EYS: variants seen among roughly 807,000 people sequenced by gnomAD.
The protein encoded by EYS is protein eyes shut homolog.
A neutral mutation model predicts 282.1 loss-of-function variants in EYS; 250 were observed. That is an observed-to-expected ratio of 0.89 (90% CI 0.80 to 0.98). The LOEUF (loss-of-function observed/expected upper bound fraction) is 0.98, where lower values mean the gene tolerates loss of function less well. Among genes scored for constraint, EYS ranks in the 50% least tolerant of loss-of-function variants. The pLI, the probability that EYS is intolerant of heterozygous loss-of-function variation, is 0.00. For missense variants in EYS, 4,016 were observed against 3,709.0 expected (o/e 1.08, Z -2.15); for synonymous variants, 1,355 against 1,282.9 (o/e 1.06, Z -1.20).
chr6:64,529,913 T>C (rs1764273274), intron 26 of EYS, among the ~76,000 whole-genome samples: 1 of 151,984 alleles, frequency 6.6e-6, no homozygotes, highest in South Asian at 2.1e-4. Context: ...CAGAATCCAA[T>C]GTTAGTGAAG....
rs71551553 is a variant in EYS, at chr6:64,000,168, CTTTTTTTTTTTT to C, written c.6726-997_6726-986del. 2.5e-3 allele frequency among the ~76,000 whole-genome samples: 105 copies of C among 42,734 alleles called. 4 individuals are homozygous for C. Among genetic ancestry groups the C allele is most frequent in the Admixed American group, 7.4e-3 (23 of 3,088 alleles). 28.0% of individuals were successfully genotyped at this position (42,734 alleles called of 152,430 possible). On this transcript the variant is annotated intron_variant, in intron 33 of 42. Coordinates refer to ENST00000503581, the MANE Select transcript of EYS (RefSeq NM_001142800.2). ...CTGAGGAGTTTCCCAAGACATGGGACTTTTTTTTTTTTTTTTTTTTTTTTTTTTTTTTTTTTT... is the reference window on the plus strand; with the variant it reads ...CTGAGGAGTTTCCCAAGACATGGGACTTTTTTTTTTTTTTTTTTTTTTTTT...
chr6:64,437,659 G>A (rs1774798155), intron 27 of EYS, among the ~76,000 whole-genome samples: 1 of 151,458 alleles, frequency 6.6e-6, no homozygotes, highest in Admixed American at 6.6e-5. Context: ...TATTATAAAT[G>A]GGCAAATAAG....
At chr6:64,949,285 G>T (rs1053711373) in intron 14 of EYS, among the ~76,000 whole-genome samples, 11 of 151,868 alleles carry the variant, frequency 7.2e-5, no homozygotes, top group African/African-American at 2.7e-4. Context: ...CTGAAATCAA[G>T]GTATTGACTG....
intron 26 of EYS, among the ~76,000 whole-genome samples, chr6:64,500,095 A>G (rs1776992254): frequency 6.6e-6 from 1 of 152,150 alleles, no homozygotes; most frequent in Admixed American, 6.5e-5. Flanking sequence ...ATGATAAAAA[A>G]TAAGTACATA....
chr6:64,995,293 C>T (rs1771213023), intron 14 of EYS, among the ~76,000 whole-genome samples: 1 of 152,086 alleles, frequency 6.6e-6, no homozygotes, highest in African/African-American at 2.4e-5. Flanking sequence ...TCATGCAACT[C>T]CAATGGGAGA....
At chr6:65,518,216 T>G (rs1767214707) in intron 2 of EYS, among the ~76,000 whole-genome samples, 1 of 152,084 alleles carries the variant, frequency 6.6e-6, no homozygotes, top group African/African-American at 2.4e-5. Flanking sequence ...TTAGTTACTG[T>G]CCTAGAGTAG....
chr6:64,363,755 C>T (rs970368720), intron 29 of EYS, among the ~76,000 whole-genome samples: 1 of 151,886 alleles, frequency 6.6e-6, no homozygotes, highest in African/African-American at 2.4e-5. Context: ...CTAACTATAA[C>T]TTATTAAACA....
intron 5 of EYS, among the ~76,000 whole-genome samples, chr6:65,405,809 T>C (rs981697085): frequency 3.9e-5 from 6 of 152,114 alleles, no homozygotes; most frequent in African/African-American, 1.4e-4. Context: ...TCACAATATA[T>C]ACATTTTGTT....
At chr6:65,057,439 A>G (rs1773449864) in intron 13 of EYS, among the ~76,000 whole-genome samples, 175 bp downstream of exon 13, 1 of 152,162 alleles carries the variant, frequency 6.6e-6, no homozygotes, top group East Asian at 1.9e-4. Flanking sequence ...AAACAAAACT[A>G]ATTTCACTCT....
Position 65,495,301 on chromosome 6 carries a change from G to A in EYS, c.110C>T (p.Ser37Leu). 2 of 1,614,100 alleles carry A rather than the reference G, an allele frequency of 1.2e-6. No individual in the cohort carries two copies. Among genetic ancestry groups the A allele is most frequent in the Non-Finnish European group, 1.7e-6 (2 of 1,180,034 alleles). Residue 37 changes from serine (S) to leucine (L), a missense_variant, in exon 4 of 43, where the codon TCA (serine) becomes TTA (leucine). By Grantham distance (145) the Ser-to-Leu change is moderately radical. Coordinates refer to ENST00000503581, the MANE Select transcript of EYS (RefSeq NM_001142800.2). Reference sequence around the variant, plus strand: ...TAGTGTCCAATTTACCACATATGATGAGGGTTGTGGATGCCATTCTTCCAC... The same window carrying A: ...TAGTGTCCAATTTACCACATATGATAAGGGTTGTGGATGCCATTCTTCCAC... ...QLVEEWHPQPSSYVVNWTLTE... is the reference protein window; with the variant it reads ...QLVEEWHPQPLSYVVNWTLTE...
At chr6:64,511,590 C>G (rs61646309) in intron 26 of EYS, among the ~76,000 whole-genome samples, 3,906 of 151,962 alleles carry the variant, frequency 0.026, 172 homozygotes, top group African/African-American at 0.089. Flanking sequence ...GAAGGATGTA[C>G]GCAACTCTGC....
intron 24 of EYS, among the ~76,000 whole-genome samples, chr6:64,603,222 C>T (rs1766818179): frequency 6.6e-6 from 1 of 151,930 alleles, no homozygotes; most frequent in African/African-American, 2.4e-5. Flanking sequence ...CCCCATTTAG[C>T]TTTTCTTTTT....
At chr6:64,385,696 C>T (rs1168418518) in intron 29 of EYS, among the ~76,000 whole-genome samples, 2 of 152,204 alleles carry the variant, frequency 1.3e-5, no homozygotes, top group Non-Finnish European at 2.9e-5. Context: ...ATAACAACCT[C>T]TCTGACTTAT....
intron 12 of EYS, among the ~76,000 whole-genome samples, chr6:65,236,113 A>G (rs1582049223): frequency 1.3e-5 from 2 of 152,018 alleles, no homozygotes; most frequent in East Asian, 1.9e-4. Flanking sequence ...GTTAGTTTGG[A>G]TTATATCAGC....
At chr6:65,064,402 A>T (rs2150161635) in intron 12 of EYS, among the ~76,000 whole-genome samples, 1 of 145,318 alleles carries the variant, frequency 6.9e-6, no homozygotes, top group Non-Finnish European at 1.5e-5. Context: ...TATACGATAT[A>T]TCATATATAC....
chr6:65,240,918 C>T (rs928087461), intron 12 of EYS, among the ~76,000 whole-genome samples: 2 of 152,086 alleles, frequency 1.3e-5, no homozygotes, highest in African/African-American at 2.4e-5. Context: ...ATAAGCATTC[C>T]CCTTTCTTGG....
intron 28 of EYS, among the ~76,000 whole-genome samples, chr6:64,427,585 T>G (rs1292164186): frequency 6.6e-6 from 1 of 152,152 alleles, no homozygotes; most frequent in African/African-American, 2.4e-5. Context: ...CAAAAAGATA[T>G]TTGACTATCC....
At chr6:64,831,155 G>T (rs1765202383) in intron 19 of EYS, among the ~76,000 whole-genome samples, 1 of 151,944 alleles carries the variant, frequency 6.6e-6, no homozygotes, top group African/African-American at 2.4e-5. Context: ...CATGTAAATT[G>T]CAGTCTCTTT....
intron 30 of EYS, among the ~76,000 whole-genome samples, chr6:64,256,472 C>G (rs1208665256): frequency 6.6e-6 from 1 of 152,018 alleles, no homozygotes. Flanking sequence ...AGAGGTAGTG[C>G]TTGATATTTC....
Sources: gnomAD v4.1 joint callset for allele counts (sites outside exome capture counted in the v4.1 genomes callset) on GRCh38, gnomAD v4.1.1 for gene constraint, MANE v1.5 for transcripts, NCBI Gene and HGNC (gene_info 2026-07-23, HGNC 2026-07-21) for gene names.